Variants in IDH1 observed in about 807,000 individuals in gnomAD.
The protein encoded by IDH1 is isocitrate dehydrogenase (NADP(+)) 1.
A neutral mutation model predicts 46.1 loss-of-function variants in IDH1; 33 were observed. The observed-to-expected ratio is 0.72, with a 90% CI of 0.54 to 0.96. The LOEUF is 0.96. Ranked by LOEUF, IDH1 falls within the 40% of genes least tolerant of loss-of-function variation. The probability of loss-of-function intolerance (pLI) is 0.00; values close to 1 mark genes in which losing one functional copy is unlikely to be tolerated. For missense variants in IDH1, 421 were observed against 515.7 expected, an observed-to-expected ratio of 0.82 and a Z score of 1.78; for synonymous variants, 144 against 172.8, an observed-to-expected ratio of 0.83 and a Z score of 1.31.
intron 6 of IDH1, 60 bp downstream of exon 6, chr2:208,243,367 T>C: frequency 2.4e-6 from 3 of 1,225,782 alleles, no homozygotes; most frequent in Non-Finnish European, 3.6e-6. Flanking sequence ...ATACATACTC[T>C]ATATGCAAAT....
chr2:208,243,159 A>G (rs1687952403), intron 6 of IDH1, among the ~76,000 whole-genome samples: 1 of 152,198 alleles, frequency 6.6e-6, no homozygotes, highest in Non-Finnish European at 1.5e-5. Flanking sequence ...TATCACTAAC[A>G]GCGTACGTTT....
In IDH1 at chr2:208,241,945, A is replaced by G. The variant is rs576750769; in HGVS notation, c.850+49T>C. The G allele has an allele frequency of 5.7e-4, 914 of 1,598,812 alleles. 12 individuals are homozygous for G. The South Asian group carries it at 9.5e-3, about 17-fold the overall frequency. On this transcript the variant is annotated intron_variant, in intron 7 of 9. Transcript: ENST00000345146. ...AAAACTCCCCTTCCCAAATTAGAGAACTACCCTGGAATGACCCTGTTCCTA... is the reference window on the plus strand; with the variant it reads ...AAAACTCCCCTTCCCAAATTAGAGAGCTACCCTGGAATGACCCTGTTCCTA...
At chr2:208,239,002 A>G in intron 9 of IDH1, 69 bp downstream of exon 9, 2 of 1,322,050 alleles carry the variant, frequency 1.5e-6, no homozygotes, top group Non-Finnish European at 1.1e-6. Flanking sequence ...TCCAGAAAGC[A>G]CCGATGCTCT....
intron 4 of IDH1, chr2:208,247,481 C>T (rs977333335): frequency 8.6e-5 from 13 of 151,786 alleles, no homozygotes; most frequent in African/African-American, 2.2e-4. Flanking sequence ...TGCTCTGTTG[C>T]GTAGGCAGTG....
At chr2:208,244,597 C>T (rs1687982861) in intron 5 of IDH1, among the ~76,000 whole-genome samples, 1 of 152,086 alleles carries the variant, frequency 6.6e-6, no homozygotes. Context: ...AAAGATAGAA[C>T]TTGAATCCAT....
At chr2:208,252,910 G>A (rs1013868510) in intron 2 of IDH1, among the ~76,000 whole-genome samples, 4 of 152,212 alleles carry the variant, frequency 2.6e-5, no homozygotes, top group African/African-American at 9.7e-5. Flanking sequence ...ACAGAATGGT[G>A]TGGATGAGTC....
At chr2:208,241,923 A>T in intron 7 of IDH1, 71 bp downstream of exon 7, 3 of 1,509,582 alleles carry the variant, frequency 2.0e-6, no homozygotes, top group Non-Finnish European at 2.8e-6. Flanking sequence ...GGACTACAAA[A>T]CTCCCCTTCC....
At chr2:208,249,697 A>C (rs892181341) in intron 3 of IDH1, among the ~76,000 whole-genome samples, 1 of 152,226 alleles carries the variant, frequency 6.6e-6, no homozygotes, top group African/African-American at 2.4e-5. Context: ...TTCCTTTCTT[A>C]GATCTCCTAC....
chr2:208,245,642 A>G (rs1688004887), intron 4 of IDH1, among the ~76,000 whole-genome samples: 1 of 150,918 alleles, frequency 6.6e-6, no homozygotes, highest in South Asian at 2.1e-4. Flanking sequence ...GAGGTATAGG[A>G]AAGTTTTCTG....
At chr2:208,251,789 G>A (rs1363632733) in intron 2 of IDH1, among the ~76,000 whole-genome samples, 4 of 151,884 alleles carry the variant, frequency 2.6e-5, no homozygotes, top group Non-Finnish European at 5.9e-5. Flanking sequence ...TTTCACACGC[G>A]GTTTCTGAGC....
intron 7 of IDH1, among the ~76,000 whole-genome samples, chr2:208,241,352 G>C (rs977113107): frequency 1.3e-5 from 2 of 151,416 alleles, no homozygotes; most frequent in African/African-American, 4.9e-5. Flanking sequence ...AGCCTCCTGA[G>C]TGCCAGGGAC....
chr2:208,245,457 A>G (rs757639083), intron 4 of IDH1, 33 bp from the exon 5 acceptor site: 13 of 1,174,138 alleles, frequency 1.1e-5, no homozygotes, highest in Non-Finnish European at 6.4e-6. Context: ...TAAAGAAAAA[A>G]AAAATACCCT....
At chr2:208,245,207 A>G (rs1687993081) in intron 5 of IDH1, 112 bp downstream of exon 5, 7 of 695,856 alleles carry the variant, frequency 1.0e-5, no homozygotes, top group Non-Finnish European at 1.3e-5. Context: ...AAAACACTGT[A>G]GATTCAGATT....
At chr2:208,251,391 C>T (rs1179491228) in intron 3 of IDH1, 39 bp downstream of exon 3, 1 of 1,610,224 alleles carries the variant, frequency 6.2e-7, no homozygotes, top group Admixed American at 1.7e-5. Flanking sequence ...GCCAGATTAT[C>T]CTTTCTGAGT....
intron 6 of IDH1, among the ~76,000 whole-genome samples, chr2:208,243,166 G>A (rs542343836): frequency 1.3e-5 from 2 of 152,290 alleles, no homozygotes; most frequent in Admixed American, 6.5e-5. Flanking sequence ...AACAGCGTAC[G>A]TTTATTTAAA....
intron 5 of IDH1, among the ~76,000 whole-genome samples, chr2:208,244,573 C>T (rs1225341749): frequency 6.6e-6 from 1 of 152,190 alleles, no homozygotes; most frequent in Non-Finnish European, 1.5e-5. Context: ...TATTATTGAA[C>T]TTTGTTATTA....
rs887664727 is a variant in IDH1 at position 208,248,510 on chromosome 2, C to T, written c.273G>A (p.Met91Ile). The T allele has an allele frequency of 1.5e-5, 25 of 1,614,050 alleles. No individual in the cohort carries two copies. Among genetic ancestry groups the T allele is most frequent in the African/African-American group, 2.7e-5 (2 of 74,918 alleles). ...GTATGGTGCCATTTGGTGATTTCCA[C>T]ATTTGTTTCAACTTGAACTCCTCAA... ...KRVEEFKLKQ[M>I]WKSPNGTIRN... Residue 91 changes from methionine to isoleucine, a missense_variant, in exon 4 of 10, where the codon ATG becomes ATA. Coordinates refer to ENST00000345146, the MANE Select transcript of IDH1 (RefSeq NM_005896.4).
At chr2:208,249,232 C>T (rs909036549) in intron 3 of IDH1, among the ~76,000 whole-genome samples, 3 of 151,070 alleles carry the variant, frequency 2.0e-5, no homozygotes, top group African/African-American at 7.3e-5. Flanking sequence ...TTTTGTTGCC[C>T]AGGCTGGAGT....
intron 3 of IDH1, among the ~76,000 whole-genome samples, chr2:208,249,164 T>C (rs1688077478): frequency 6.6e-6 from 1 of 151,874 alleles, no homozygotes; most frequent in Admixed American, 6.6e-5. Flanking sequence ...ACTTCATTAA[T>C]GCCAGTTAGT....
Sources: allele counts gnomAD v4.1 joint callset (sites outside exome capture counted in the v4.1 genomes callset), GRCh38; gene constraint gnomAD v4.1.1; transcripts MANE v1.5; gene names NCBI Gene and HGNC (gene_info 2026-07-23, HGNC 2026-07-21).